The following HECA variants were observed in gnomAD, a reference collection of about 807,000 sequenced individuals.
HECA encodes the protein HECA ribonucleoprotein granule regulator, also known as headcase protein homolog.
A neutral mutation model predicts 37.6 loss-of-function variants in HECA; 13 were observed. That is an observed-to-expected ratio of 0.35 (90% confidence interval 0.23 to 0.55). The LOEUF (loss-of-function observed/expected upper bound fraction) is 0.55. HECA is among the 20% of genes least tolerant of loss of function. HECA has a pLI of 0.90. For synonymous variants in HECA, 307 were observed against 291.5 expected (o/e 1.05, Z -0.54); for missense variants, 527 against 701.9 (o/e 0.75, Z 2.82).
intron 1 of HECA, among the ~76,000 whole-genome samples, chr6:139,151,939 T>C (rs925121470): frequency 1.3e-5 from 2 of 152,204 alleles, no homozygotes; most frequent in Non-Finnish European, 2.9e-5. Flanking sequence ...GGCCACTTAC[T>C]AGCTGAATGG....
intron 1 of HECA, among the ~76,000 whole-genome samples, chr6:139,147,544 G>A (rs1213322060): frequency 6.6e-6 from 1 of 152,184 alleles, no homozygotes; most frequent in Non-Finnish European, 1.5e-5. Context: ...AGGATCGCTT[G>A]AGCCCAGGAG....
At chr6:139,161,290 A>G (rs989972020) in intron 1 of HECA, among the ~76,000 whole-genome samples, 3 of 152,076 alleles carry the variant, frequency 2.0e-5, no homozygotes, top group Non-Finnish European at 4.4e-5. Flanking sequence ...TGTATTTAAC[A>G]TGCTCTTGGC....
intron 2 of HECA, among the ~76,000 whole-genome samples, chr6:139,173,948 T>G (rs1265481390): frequency 6.6e-6 from 1 of 152,142 alleles, no homozygotes; most frequent in Non-Finnish European, 1.5e-5. Flanking sequence ...GACTTTTGAT[T>G]TTTATGATGG....
intron 1 of HECA, chr6:139,155,635 T>C (rs1263312673): frequency 6.6e-6 from 1 of 152,230 alleles, no homozygotes; most frequent in Non-Finnish European, 1.5e-5. Context: ...TCCCATTTTA[T>C]GATAGTGTGA....
At chr6:139,146,020 AC>A (rs949235943) in intron 1 of HECA, among the ~76,000 whole-genome samples, 4 of 124,634 alleles carry the variant, frequency 3.2e-5, no homozygotes, top group Non-Finnish European at 5.3e-5. Context: ...CATATTCTGG[AC>A]CCCCTCACAA....
At position 139,135,408 on chromosome 6, in the gene HECA, C is replaced by A; in HGVS notation, c.12C>A (p.Pro4=). 1 of 1,389,852 alleles carries A rather than the reference C, an allele frequency of 7.2e-7. No individual in the cohort carries two copies. Among genetic ancestry groups the A allele is most frequent in the South Asian group, 1.4e-5 (1 of 74,004 alleles). The allele number at this position is 1,389,852 out of a possible 1,614,324, so 86.1% of individuals were successfully genotyped here. A position where few individuals can be genotyped will look rare whatever the true frequency, so the allele number is the denominator to read the frequency against. The change falls in exon 1 of 4, where the codon CCC becomes CCA. Residue 4 remains proline (P), a synonymous_variant. Coordinates refer to ENST00000367658, the MANE Select transcript of HECA (RefSeq NM_016217.3). MPN[P]KNSKGGRKNK... ...CGCGAGCGAGCGAGATGCCCAACCC[C>A]AAAAACAGCAAAGGCGGCCGCAAAA...
At chr6:139,140,033 T>C (rs1261515753) in intron 1 of HECA, among the ~76,000 whole-genome samples, 2 of 152,240 alleles carry the variant, frequency 1.3e-5, no homozygotes, top group Admixed American at 6.5e-5. Context: ...TCCATATATC[T>C]GTTGACAAGT....
intron 1 of HECA, among the ~76,000 whole-genome samples, chr6:139,158,890 A>G (rs930003921): frequency 1.3e-5 from 2 of 152,066 alleles, no homozygotes; most frequent in African/African-American, 2.4e-5. Context: ...CCTGACCAAC[A>G]TGGAGAAACC....
At chr6:139,162,906 T>C (rs1562247059) in intron 1 of HECA, among the ~76,000 whole-genome samples, 2 of 152,150 alleles carry the variant, frequency 1.3e-5, no homozygotes, top group African/African-American at 2.4e-5. Flanking sequence ...GTGTTAAGGC[T>C]CAGCCTCTGC....
At chr6:139,165,366 A>G (rs963031828) in intron 1 of HECA, among the ~76,000 whole-genome samples, 3 of 152,222 alleles carry the variant, frequency 2.0e-5, no homozygotes, top group Non-Finnish European at 4.4e-5. Flanking sequence ...TGAATACAGA[A>G]TGGTACATAT....
chr6:139,153,358 T>G (rs1774674852), intron 1 of HECA: 2 of 152,164 alleles, frequency 1.3e-5, no homozygotes, highest in South Asian at 4.1e-4. Flanking sequence ...TTGTAATTTA[T>G]GCAAACAGAA....
chr6:139,143,238 G>A (rs939817105), intron 1 of HECA, among the ~76,000 whole-genome samples: 6 of 152,198 alleles, frequency 3.9e-5, no homozygotes, highest in Non-Finnish European at 8.8e-5. Flanking sequence ...AAGGAAAACA[G>A]TATATGTGAA....
At chr6:139,169,428 C>T (rs1409311785) in intron 2 of HECA, among the ~76,000 whole-genome samples, 2 of 152,044 alleles carry the variant, frequency 1.3e-5, no homozygotes, top group African/African-American at 4.8e-5. Context: ...TAATAGCATT[C>T]TCTTCTTGTT....
intron 1 of HECA, chr6:139,150,989 A>G (rs1774643389): frequency 6.6e-6 from 1 of 152,152 alleles, no homozygotes; most frequent in South Asian, 2.1e-4. Flanking sequence ...TGTTGAGTCT[A>G]CTTTTTCATT....
At position 139,179,395 on chromosome 6, in the gene HECA, C is replaced by G. The variant is rs913210741; in HGVS notation, c.*2290C>G. On this transcript the variant is annotated 3_prime_UTR_variant, in exon 4 of 4. Transcript: ENST00000367658. ...AGCAAGCTCCTGAATTTAGAACTGC[C>G]GTCAGTGTAGTGTATGCTGTGTTCC... The G allele has an allele frequency of 6.6e-6, 1 of 152,124 alleles. No homozygotes were observed. The highest frequency in any genetic ancestry group is 1.5e-5 in the Non-Finnish European group (1 of 68,028). The allele number at this position is 152,124 out of a possible 1,614,324, so 9.4% of individuals were successfully genotyped here. A position where few individuals can be genotyped will look rare whatever the true frequency, so the allele number is the denominator to read the frequency against.
At chr6:139,149,374 C>T (rs577485649) in intron 1 of HECA, among the ~76,000 whole-genome samples, 1 of 152,218 alleles carries the variant, frequency 6.6e-6, no homozygotes, top group South Asian at 2.1e-4. Context: ...TGACATGATA[C>T]TGTTTGTGAC....
At chr6:139,163,794 G>T (rs1407297471) in intron 1 of HECA, among the ~76,000 whole-genome samples, 2 of 152,022 alleles carry the variant, frequency 1.3e-5, no homozygotes, top group Non-Finnish European at 2.9e-5. Context: ...CTGGCCTCTG[G>T]TCTCTGCCCA....
intron 1 of HECA, among the ~76,000 whole-genome samples, chr6:139,142,032 T>G (rs1386958224): frequency 6.6e-6 from 1 of 151,238 alleles, no homozygotes; most frequent in Non-Finnish European, 1.5e-5. Context: ...GTTCACGCCA[T>G]TCTCCTGCCT....
intron 1 of HECA, among the ~76,000 whole-genome samples, chr6:139,148,340 T>C (rs1774609759): frequency 6.6e-6 from 1 of 152,230 alleles, no homozygotes; most frequent in African/African-American, 2.4e-5. Flanking sequence ...AAATTACTTG[T>C]AGGCAAAGCA....
Sources: allele counts gnomAD v4.1 joint callset (sites outside exome capture counted in the v4.1 genomes callset), GRCh38; gene constraint gnomAD v4.1.1; transcripts MANE v1.5; gene names NCBI Gene and HGNC (gene_info 2026-07-23, HGNC 2026-07-21).